Variants in WIPF3 observed in about 807,000 individuals in gnomAD.
WIPF3 encodes the protein WAS/WASL interacting protein family member 3.
Under a neutral mutation model 38.9 loss-of-function variants are expected in WIPF3, and 33 were observed. The observed-to-expected ratio is 0.85, with a 90% CI of 0.64 to 1.14. The LOEUF (loss-of-function observed/expected upper bound fraction) is 1.14. Ranked by LOEUF, WIPF3 falls within the 50% of genes most tolerant of loss-of-function variation. The pLI is 0.00. For missense variants in WIPF3, 711 were observed against 652.5 expected, an observed-to-expected ratio of 1.09 and a Z score of -0.98; for synonymous variants, 324 against 269.3, an observed-to-expected ratio of 1.20 and a Z score of -1.99.
rs556823975 is a variant in WIPF3 at position 29,885,099 on chromosome 7, G to A, written c.1099+506G>A. Among the ~76,000 whole-genome samples the A allele has an allele frequency of 3.3e-5, 5 of 152,354 alleles. No individual in the cohort carries two copies. In the South Asian group the frequency reaches 1.0e-3, roughly 32 times the overall value. On this transcript the variant is annotated intron_variant, in intron 5 of 8. Transcript: ENST00000242140. The stretch of plus-strand genomic sequence containing the variant: ...CAGCCAGAATCTTCGCCGGCCCTCA[G>A]TAAACTGGATTCCCACTCTGCCTTA...
chr7:29,905,595 C>G (rs191335086), intron 8 of WIPF3: 1 of 152,320 alleles, frequency 6.6e-6, no homozygotes, highest in African/African-American at 2.4e-5. Flanking sequence ...CCTGGAGCAG[C>G]TTGCATACAG....
chr7:29,818,395 A>T (rs1349582834), intron 1 of WIPF3, among the ~76,000 whole-genome samples: 2 of 151,938 alleles, frequency 1.3e-5, no homozygotes, highest in Non-Finnish European at 2.9e-5. Flanking sequence ...GGAGGTTGCA[A>T]TGAGTTGAGA....
intron 2 of WIPF3, among the ~76,000 whole-genome samples, chr7:29,852,395 T>C (rs1257871231): frequency 6.6e-6 from 1 of 152,250 alleles, no homozygotes; most frequent in Non-Finnish European, 1.5e-5. Flanking sequence ...CCACATCAGC[T>C]TCCTAAGGAG....
intron 2 of WIPF3, among the ~76,000 whole-genome samples, chr7:29,873,682 C>T (rs191202398): frequency 1.5e-3 from 228 of 152,266 alleles, no homozygotes; most frequent in Middle Eastern, 6.8e-3. Flanking sequence ...GATTGAGGCT[C>T]CTTGCTCTCC....
chr7:29,893,080 A>AC (rs1037958300), intron 7 of WIPF3, among the ~76,000 whole-genome samples: 1 of 152,008 alleles, frequency 6.6e-6, no homozygotes, highest in African/African-American at 2.4e-5. Flanking sequence ...CAAAAAACAA[A>AC]AAAAAAAGAG....
chr7:29,862,532 A>C (rs1347825449), intron 2 of WIPF3, among the ~76,000 whole-genome samples: 1 of 152,230 alleles, frequency 6.6e-6, no homozygotes, highest in East Asian at 1.9e-4. Context: ...CCCAGTGGGC[A>C]TATCAAATTT....
chr7:29,883,593 C>T (rs1785767698), intron 4 of WIPF3, among the ~76,000 whole-genome samples: 1 of 152,174 alleles, frequency 6.6e-6, no homozygotes, highest in Non-Finnish European at 1.5e-5. Context: ...CAGATGACAG[C>T]ACAGGTGGCA....
intron 8 of WIPF3, chr7:29,905,792 T>G (rs560609442): frequency 6.6e-6 from 1 of 152,152 alleles, no homozygotes; most frequent in African/African-American, 2.4e-5. Context: ...TCCTGGGGAT[T>G]TCAAGGGCTG....
At chr7:29,890,918 TGC>T (rs1786000121) in intron 7 of WIPF3, among the ~76,000 whole-genome samples, 1 of 40,834 alleles carries the variant, frequency 2.4e-5, no homozygotes. Flanking sequence ...GTGGGGGGAA[TGC>T]GGGCCTGCCT....
chr7:29,834,772 G>T lies in WIPF3; in HGVS notation c.48G>T (p.Pro16=), dbSNP rs753104343. 9.5e-6 allele frequency: 4 copies of T among 421,852 alleles called. No homozygotes were observed. The highest frequency in any genetic ancestry group is 1.2e-5 in the Non-Finnish European group (4 of 330,180). 26.1% of individuals were successfully genotyped at this position (421,852 alleles called of 1,614,324 possible). Reference sequence around the variant, plus strand: ...CACCTCCTCTGCCTCCACCTCCCCCGCCTCTGGGGGCTCCTCCCCCTCCCC... The same window carrying T: ...CACCTCCTCTGCCTCCACCTCCCCCTCCTCTGGGGGCTCCTCCCCCTCCCC... ...PPPPPLPPPP[P]PLGAPPPPPP... Residue 16 remains proline (P), a synonymous_variant, in exon 2 of 9, where the codon CCG becomes CCT. Coordinates refer to ENST00000242140, the MANE Select transcript of WIPF3 (RefSeq NM_001080529.3).
At chr7:29,909,426 G>C (rs1484975152) in intron 8 of WIPF3, among the ~76,000 whole-genome samples, 1 of 152,098 alleles carries the variant, frequency 6.6e-6, no homozygotes, top group African/African-American at 2.4e-5. Context: ...AAAAAACAGA[G>C]AAGACTCAAA....
At chr7:29,808,252 A>G (rs909249201) in intron 1 of WIPF3, among the ~76,000 whole-genome samples, 1 of 152,236 alleles carries the variant, frequency 6.6e-6, no homozygotes, top group Non-Finnish European at 1.5e-5. Flanking sequence ...TCAAAGATAC[A>G]TTTAAAAACC....
At chr7:29,870,714 C>T (rs1488711505) in intron 2 of WIPF3, among the ~76,000 whole-genome samples, 1 of 152,118 alleles carries the variant, frequency 6.6e-6, no homozygotes, top group Non-Finnish European at 1.5e-5. Context: ...GCTCTGTGCT[C>T]CAGGTAACAG....
chr7:29,817,285 AAT>A (rs1456243977), intron 1 of WIPF3, among the ~76,000 whole-genome samples: 1 of 152,138 alleles, frequency 6.6e-6, no homozygotes, highest in African/African-American at 2.4e-5. Flanking sequence ...CCCAGTTTAT[AAT>A]ATGACTTATT....
intron 2 of WIPF3, among the ~76,000 whole-genome samples, chr7:29,848,000 T>C (rs966909924): frequency 6.6e-6 from 1 of 152,170 alleles, no homozygotes; most frequent in Non-Finnish European, 1.5e-5. Context: ...TTCCAAACAA[T>C]GTGCAGATGT....
chr7:29,873,830 G>GT (rs2128073062), intron 2 of WIPF3, among the ~76,000 whole-genome samples: 1 of 152,290 alleles, frequency 6.6e-6, no homozygotes, highest in African/African-American at 2.4e-5. Context: ...GAGTCTGCCA[G>GT]TGAAAATGTG....
At chr7:29,833,155 G>A (rs1784748437) in intron 1 of WIPF3, among the ~76,000 whole-genome samples, 1 of 152,218 alleles carries the variant, frequency 6.6e-6, no homozygotes, top group Admixed American at 6.5e-5. Flanking sequence ...GGTTACTGGG[G>A]GCTGAGGGGA....
At chr7:29,899,196 C>T (rs886505863) in intron 7 of WIPF3, among the ~76,000 whole-genome samples, 2 of 152,132 alleles carry the variant, frequency 1.3e-5, no homozygotes, top group Admixed American at 6.5e-5. Flanking sequence ...CACCTAACGA[C>T]CTGCCAAAAG....
chr7:29,834,615 T>C (rs1176851819), intron 1 of WIPF3, 53 bp from the exon 2 acceptor site: 3 of 1,370,232 alleles, frequency 2.2e-6, no homozygotes, highest in Non-Finnish European at 2.9e-6. Flanking sequence ...ACACATTTCC[T>C]GCATGTAAGT....
Sources: allele counts gnomAD v4.1 joint callset (sites outside exome capture counted in the v4.1 genomes callset), GRCh38; gene constraint gnomAD v4.1.1; transcripts MANE v1.5; gene names NCBI Gene and HGNC (gene_info 2026-07-23, HGNC 2026-07-21).